The following PCDH9 variants were observed in gnomAD, a reference collection of about 807,000 sequenced individuals.
The protein encoded by PCDH9 is protocadherin 9, also known as protocadherin-9.
PCDH9 carries 24 observed loss-of-function variants against 70.6 expected under a neutral mutation model. That is an observed-to-expected ratio of 0.34 (90% CI 0.25 to 0.48). PCDH9 has a LOEUF of 0.48. Among genes scored for constraint, PCDH9 ranks in the 20% least tolerant of loss-of-function variants. The pLI, the probability that PCDH9 is intolerant of heterozygous loss-of-function variation, is 0.99. For synonymous variants in PCDH9, 562 were observed against 558.5 expected (o/e 1.01, Z -0.09); for missense variants, 1,281 against 1,503.6 (o/e 0.85, Z 2.45).
chr13:67,073,720 T>C (rs927682343), intron 2 of PCDH9, among the ~76,000 whole-genome samples: 1 of 152,148 alleles, frequency 6.6e-6, no homozygotes, highest in African/African-American at 2.4e-5. Flanking sequence ...GCATTACTTA[T>C]GTTATGCAGC....
At chr13:66,405,126 T>C (rs908902364) in intron 4 of PCDH9, among the ~76,000 whole-genome samples, 3 of 152,162 alleles carry the variant, frequency 2.0e-5, no homozygotes, top group African/African-American at 7.2e-5. Flanking sequence ...ATAACACAGA[T>C]AGTTACTTTT....
intron 4 of PCDH9, among the ~76,000 whole-genome samples, chr13:66,393,587 A>T (rs1214589001): frequency 3.9e-5 from 6 of 152,248 alleles, no homozygotes; most frequent in Non-Finnish European, 8.8e-5. Flanking sequence ...ACCATTCACT[A>T]ACATATAATT....
chr13:66,736,401 C>T (rs1214670348), intron 3 of PCDH9, among the ~76,000 whole-genome samples: 2 of 152,166 alleles, frequency 1.3e-5, no homozygotes, highest in African/African-American at 2.4e-5. Context: ...TGTGAGGACA[C>T]AGGGAAAAGA....
intron 3 of PCDH9, among the ~76,000 whole-genome samples, chr13:66,890,875 T>C (rs1354468096): frequency 6.6e-6 from 1 of 152,126 alleles, no homozygotes; most frequent in Non-Finnish European, 1.5e-5. Context: ...TAATTTTTCT[T>C]TGATAGACCA....
chr13:67,156,662 G>T (rs1348759175), intron 2 of PCDH9, among the ~76,000 whole-genome samples: 1 of 152,168 alleles, frequency 6.6e-6, no homozygotes. Context: ...ACACAAAGGC[G>T]AGAAACCCCG....
At chr13:66,476,499 T>A (rs1000118414) in intron 4 of PCDH9, among the ~76,000 whole-genome samples, 4 of 152,088 alleles carry the variant, frequency 2.6e-5, no homozygotes, top group African/African-American at 9.7e-5. Flanking sequence ...CTACATGAAA[T>A]TATCATCAGA....
intron 4 of PCDH9, among the ~76,000 whole-genome samples, chr13:66,393,905 G>A (rs1566292191): frequency 1.3e-5 from 2 of 152,162 alleles, no homozygotes; most frequent in Non-Finnish European, 2.9e-5. Flanking sequence ...GGAGAAAGGA[G>A]GTGTGAGGCA....
rs1009255944 is a variant in PCDH9 at position 66,635,367 on chromosome 13, C to T, written c.3139-3956G>A. ...AGAAAGAATAGGATGAAAGAAGTAA[C>T]TACTAAGGCTTCCACACTTTATTTT... On this transcript the variant is annotated intron_variant, in intron 3 of 4. Coordinates refer to ENST00000377865, the MANE Select transcript of PCDH9 (RefSeq NM_203487.3). Among the ~76,000 whole-genome samples, 5 of 152,100 alleles carry T rather than the reference C, an allele frequency of 3.3e-5. No individual in the cohort carries two copies. The South Asian group carries it at 1.0e-3, about 32-fold the overall frequency.
At chr13:66,389,296 T>C (rs187413390) in intron 4 of PCDH9, among the ~76,000 whole-genome samples, 1 of 152,288 alleles carries the variant, frequency 6.6e-6, no homozygotes, top group East Asian at 1.9e-4. Flanking sequence ...TGACTGAAAC[T>C]AATGTGAAAG....
chr13:66,466,929 C>T (rs1279391868), intron 4 of PCDH9, among the ~76,000 whole-genome samples: 2 of 152,008 alleles, frequency 1.3e-5, no homozygotes, highest in Non-Finnish European at 2.9e-5. Context: ...AATTCGAATG[C>T]TGTTGAGATG....
intron 3 of PCDH9, among the ~76,000 whole-genome samples, chr13:66,643,055 A>G (rs2077728500): frequency 6.6e-6 from 1 of 152,084 alleles, no homozygotes; most frequent in African/African-American, 2.4e-5. Flanking sequence ...GAAATCTGAG[A>G]AAAAGCTTAT....
At chr13:66,907,097 G>C (rs1048797363) in intron 2 of PCDH9, among the ~76,000 whole-genome samples, 8 of 152,022 alleles carry the variant, frequency 5.3e-5, no homozygotes, top group African/African-American at 1.9e-4. Flanking sequence ...CCAGCTACTT[G>C]GGAGTCTGAG....
intron 3 of PCDH9, among the ~76,000 whole-genome samples, chr13:66,736,329 G>A (rs2079147796): frequency 1.3e-5 from 2 of 152,222 alleles, no homozygotes; most frequent in East Asian, 3.9e-4. Context: ...GATGTCTGTA[G>A]ATAGACCCAG....
At chr13:66,674,587 G>A (rs1038429627) in intron 3 of PCDH9, among the ~76,000 whole-genome samples, 1 of 151,962 alleles carries the variant, frequency 6.6e-6, no homozygotes, top group Non-Finnish European at 1.5e-5. Context: ...TTGTAAAATT[G>A]AAATAAGAAC....
chr13:66,806,337 T>C (rs1205184937), intron 3 of PCDH9, among the ~76,000 whole-genome samples: 2 of 152,158 alleles, frequency 1.3e-5, no homozygotes, highest in African/African-American at 4.8e-5. Flanking sequence ...TATAATCTAA[T>C]GTTGACTAAT....
chr13:67,102,816 G>C (rs891775702), intron 2 of PCDH9, among the ~76,000 whole-genome samples: 10 of 152,172 alleles, frequency 6.6e-5, no homozygotes, highest in Admixed American at 2.0e-4. Context: ...AAATAACAGA[G>C]AGAGTAGTAT....
At chr13:67,229,495 G>C (rs967962879) in intron 1 of PCDH9, among the ~76,000 whole-genome samples, 2 of 152,166 alleles carry the variant, frequency 1.3e-5, no homozygotes, top group African/African-American at 4.8e-5. Flanking sequence ...AGGTAAAAAG[G>C]CTTCTGCTTA....
At chr13:66,861,227 C>G (rs1776393938) in intron 3 of PCDH9, among the ~76,000 whole-genome samples, 1 of 152,152 alleles carries the variant, frequency 6.6e-6, no homozygotes, top group African/African-American at 2.4e-5. Context: ...GCGGCACTTT[C>G]AGTTCATCCA....
At chr13:66,444,604 A>G (rs576790361) in intron 4 of PCDH9, among the ~76,000 whole-genome samples, 1 of 152,002 alleles carries the variant, frequency 6.6e-6, no homozygotes, top group East Asian at 1.9e-4. Context: ...TCTGTCGCCC[A>G]GACTGAAGTG....
Sources: allele counts gnomAD v4.1 joint callset (sites outside exome capture counted in the v4.1 genomes callset), GRCh38; gene constraint gnomAD v4.1.1; transcripts MANE v1.5; gene names NCBI Gene and HGNC (gene_info 2026-07-23, HGNC 2026-07-21).